The following PELI1 variants were observed in gnomAD, a reference collection of about 807,000 sequenced individuals.
The protein encoded by PELI1 is pellino E3 ubiquitin protein ligase 1, also known as E3 ubiquitin-protein ligase pellino homolog 1.
A neutral mutation model predicts 41.3 loss-of-function variants in PELI1; 15 were observed. The observed-to-expected ratio is 0.36, with a 90% confidence interval of 0.24 to 0.56. The LOEUF (loss-of-function observed/expected upper bound fraction) is 0.56, where lower values mean the gene tolerates loss of function less well. Among genes scored for constraint, PELI1 ranks in the 20% least tolerant of loss-of-function variants. The pLI is 0.82. For missense variants in PELI1, 403 were observed against 525.5 expected, an observed-to-expected ratio of 0.77 and a Z score of 2.28; for synonymous variants, 178 against 180.1, an observed-to-expected ratio of 0.99 and a Z score of 0.09.
intron 1 of PELI1, among the ~76,000 whole-genome samples, chr2:64,140,699 G>A (rs565793624): frequency 4.1e-5 from 6 of 147,680 alleles, no homozygotes; most frequent in Non-Finnish European, 7.4e-5. Flanking sequence ...ACAACAAAAA[G>A]TATTTAGGAC....
At chr2:64,100,369 A>G in intron 4 of PELI1, 29 bp downstream of exon 4, 1 of 1,207,716 alleles carries the variant, frequency 8.3e-7, no homozygotes, top group Non-Finnish European at 1.2e-6. Flanking sequence ...TTCGTTTCTT[A>G]AGAAAAAAAA....
chr2:64,113,642 A>G (rs1364497423), intron 1 of PELI1, among the ~76,000 whole-genome samples: 1 of 152,238 alleles, frequency 6.6e-6, no homozygotes, highest in African/African-American at 2.4e-5. Flanking sequence ...TTTTAAAATA[A>G]ACATATTCTG....
intron 4 of PELI1, among the ~76,000 whole-genome samples, chr2:64,098,533 T>C (rs1238424742): frequency 2.6e-5 from 4 of 152,018 alleles, no homozygotes; most frequent in African/African-American, 9.7e-5. Context: ...CTTAACCTGA[T>C]AAAAAGATCT....
In PELI1 at chr2:64,096,140, C is replaced by T. The variant is rs1230441456; in HGVS notation, c.675G>A (p.Gln225=). 6.2e-7 allele frequency: 1 copy of T among 1,612,674 alleles called. No individual in the cohort carries two copies. The highest frequency in any genetic ancestry group is 1.3e-5 in the African/African-American group (1 of 74,870). ...VFSLRETRSA[Q]QRGKMVEIET... ...CAGTATTTACCATTTTTCCTCTCTG[C>T]TGAGCCGATCTGGTTTCACGTAGGC... Residue 225 remains glutamine (Q), a synonymous_variant, in exon 6 of 7, where the codon CAG becomes CAA. Transcript: ENST00000358912.
In PELI1 at chr2:64,095,342, G is replaced by A. The variant is rs558771887; in HGVS notation, c.691-74C>T. 3.3e-6 allele frequency: 3 copies of A among 904,228 alleles called. No homozygotes were observed. The Admixed American group carries it at 6.9e-5, about 21-fold the overall frequency. 56.0% of individuals were successfully genotyped at this position (904,228 alleles called of 1,614,324 possible). A position where few individuals can be genotyped will look rare whatever the true frequency, so the allele number is the denominator to read the frequency against. On this transcript the variant is annotated intron_variant, in intron 6 of 6. Coordinates refer to ENST00000358912, the MANE Select transcript of PELI1 (RefSeq NM_020651.4). ...TTTTACATAAGTGTTTTGGTTTTAA[G>A]TACTCCTTACTCAAGAAATGAGGTT...
chr2:64,106,870 G>C (rs1680638519), intron 2 of PELI1, among the ~76,000 whole-genome samples: 1 of 152,166 alleles, frequency 6.6e-6, no homozygotes, highest in Non-Finnish European at 1.5e-5. Flanking sequence ...AATATCTAGA[G>C]TTGCTTTTTA....
intron 1 of PELI1, among the ~76,000 whole-genome samples, chr2:64,121,862 G>A (rs1278220802): frequency 1.4e-5 from 2 of 148,048 alleles, no homozygotes; most frequent in Non-Finnish European, 3.0e-5. Context: ...CCGAGATCAC[G>A]CCATGGCACT....
chr2:64,122,932 T>C (rs1051294668), intron 1 of PELI1, among the ~76,000 whole-genome samples: 1 of 152,204 alleles, frequency 6.6e-6, no homozygotes, highest in African/African-American at 2.4e-5. Context: ...TTATAATAGA[T>C]GAGAAAAATC....
intron 1 of PELI1, among the ~76,000 whole-genome samples, chr2:64,118,389 A>G (rs888180841): frequency 6.6e-6 from 1 of 152,222 alleles, no homozygotes; most frequent in Non-Finnish European, 1.5e-5. Context: ...TCTCACAAAT[A>G]GATTAGAAAA....
At chr2:64,100,179 G>A (rs1369273832) in intron 4 of PELI1, among the ~76,000 whole-genome samples, 1 of 152,066 alleles carries the variant, frequency 6.6e-6, no homozygotes, top group Non-Finnish European at 1.5e-5. Context: ...GGAAACTGAG[G>A]CATATAATGG....
chr2:64,095,315 A>G, intron 6 of PELI1, 47 bp from the exon 7 acceptor site: 1 of 1,353,654 alleles, frequency 7.4e-7, no homozygotes, highest in Non-Finnish European at 1.0e-6. Flanking sequence ...TCTGTTTTGG[A>G]TTTTTACATA....
chr2:64,131,048 C>G (rs1681538102), intron 1 of PELI1, among the ~76,000 whole-genome samples: 1 of 152,090 alleles, frequency 6.6e-6, no homozygotes, highest in African/African-American at 2.4e-5. Flanking sequence ...CCCTTCATAA[C>G]CCTTTACTCC....
chr2:64,101,448 C>A (rs1680429383), intron 3 of PELI1, among the ~76,000 whole-genome samples: 1 of 151,852 alleles, frequency 6.6e-6, no homozygotes, highest in African/African-American at 2.4e-5. Flanking sequence ...CTAAAAAGAA[C>A]TTTTCAGTTT....
intron 1 of PELI1, among the ~76,000 whole-genome samples, chr2:64,136,282 T>C (rs1344545741): frequency 6.6e-6 from 1 of 152,194 alleles, no homozygotes; most frequent in Non-Finnish European, 1.5e-5. Context: ...AGTTGTTCCA[T>C]GTTAACAAAC....
chr2:64,140,421 C>G (rs375089165), intron 1 of PELI1, among the ~76,000 whole-genome samples: 2 of 152,024 alleles, frequency 1.3e-5, no homozygotes, highest in East Asian at 3.9e-4. Flanking sequence ...GTTTATGTGG[C>G]AAAAAGAATC....
intron 1 of PELI1, among the ~76,000 whole-genome samples, chr2:64,121,571 TA>T (rs1681212468): frequency 6.6e-6 from 1 of 152,190 alleles, no homozygotes; most frequent in African/African-American, 2.4e-5. Context: ...TAAAAAGTTC[TA>T]AAAAGACATT....
At position 64,094,710 on chromosome 2, in the gene PELI1, G is replaced by C; in HGVS notation, c.1249C>G (p.Leu417Val). The change falls in exon 7 of 7, where the codon CTA (leucine) becomes GTA (valine). Residue 417 changes from leucine (L) to valine (V), a missense_variant. By Grantham distance (32) the Leu-to-Val change is conservative (BLOSUM62 1). Transcript: ENST00000358912. ...TGCAAGACAATGGTCTGTTAGTCTA[G>C]AGGTCCTTGAAAAATAAGTCTGATG... ...GYIRLIFQGPLD is the reference protein window; with the variant it reads ...GYIRLIFQGPVD 1.2e-6 allele frequency: 2 copies of C among 1,611,658 alleles called. No homozygotes were observed. The highest frequency in any genetic ancestry group is 1.7e-6 in the Non-Finnish European group (2 of 1,177,756).
chr2:64,120,748 A>T (rs565821775), intron 1 of PELI1, among the ~76,000 whole-genome samples: 1 of 152,320 alleles, frequency 6.6e-6, no homozygotes, highest in African/African-American at 2.4e-5. Flanking sequence ...TCTTAATTGG[A>T]ATCATTCAAA....
chr2:64,102,003 T>G (rs2103675620), intron 3 of PELI1, among the ~76,000 whole-genome samples: 1 of 152,178 alleles, frequency 6.6e-6, no homozygotes, highest in South Asian at 2.1e-4. Context: ...AATTTTTTAT[T>G]TTTAGTAGAG....
Sources: gnomAD v4.1 joint callset for allele counts (sites outside exome capture counted in the v4.1 genomes callset) on GRCh38, gnomAD v4.1.1 for gene constraint, MANE v1.5 for transcripts, NCBI Gene and HGNC (gene_info 2026-07-23, HGNC 2026-07-21) for gene names.